ANKRD62: variants seen among roughly 807,000 people sequenced by gnomAD.
ANKRD62 encodes ankyrin repeat domain-containing protein 62.
In ANKRD62, 61 loss-of-function variants were observed where a neutral mutation model predicts 98.8. The observed-to-expected ratio is 0.62, with a 90% CI of 0.50 to 0.76. The LOEUF (loss-of-function observed/expected upper bound fraction) is 0.76, where lower values mean the gene tolerates loss of function less well. Ranked by LOEUF, ANKRD62 falls within the 30% of genes least tolerant of loss-of-function variation. The pLI, the probability that ANKRD62 is intolerant of heterozygous loss-of-function variation, is 0.00. For synonymous variants in ANKRD62, 341 were observed against 367.9 expected (o/e 0.93, Z 0.84); for missense variants, 933 against 1,082.9 (o/e 0.86, Z 1.94).
chr18:12,122,391 A>T lies in ANKRD62; in HGVS notation c.1329A>T (p.Lys443Asn), dbSNP rs1446071772. The T allele has an allele frequency of 9.8e-6, 15 of 1,535,602 alleles. No individual in the cohort carries two copies. The highest frequency in any genetic ancestry group is 2.6e-6 in the Non-Finnish European group (3 of 1,146,698). The change falls in exon 11 of 14, where the codon AAA (lysine) becomes AAT (asparagine). Residue 443 changes from lysine (K) to asparagine (N), a missense_variant. Physicochemically the swap from Lys to Asn is moderately conservative, Grantham distance 94. Transcript: ENST00000587848. ...AAAAATGTTACTGTGAACGACTTAA[A>T]GTAAAATTTCAAAAAATGAAAAATA... is the stretch of plus-strand genomic sequence containing the variant. ...EDQKCYCERL[K>N]VKFQKMKNNI...
At chr18:12,151,998 C>T in the ANKRD62 span, among the ~76,000 whole-genome samples, 1 of 151,512 alleles carries the variant, frequency 6.6e-6, no homozygotes, top group African/African-American at 2.4e-5. Flanking sequence ...CACATACACC[C>T]TCCCAAGACT....
chr18:12,124,610 T>C (rs1448854807), intron 12 of ANKRD62, among the ~76,000 whole-genome samples: 1 of 152,066 alleles, frequency 6.6e-6, no homozygotes, highest in African/African-American at 2.4e-5. Context: ...TTTTCCCTAT[T>C]TTGCATTAAT....
chr18:12,140,383 C>T, the ANKRD62 span, among the ~76,000 whole-genome samples: 5 of 152,178 alleles, frequency 3.3e-5, no homozygotes, highest in Non-Finnish European at 7.3e-5. Context: ...TGTTCCATTG[C>T]TGGTGAGGAG....
the ANKRD62 span, among the ~76,000 whole-genome samples, chr18:12,141,544 G>T: frequency 2.2e-4 from 33 of 149,150 alleles, no homozygotes; most frequent in East Asian, 6.5e-3. Context: ...TCATCCTTCA[G>T]CTCCTGTATT....
chr18:12,119,076 C>A (rs1422863884), intron 10 of ANKRD62, among the ~76,000 whole-genome samples: 1 of 152,048 alleles, frequency 6.6e-6, no homozygotes, highest in Admixed American at 6.6e-5. Flanking sequence ...ATATTTAGGG[C>A]AATTCAGGTT....
the ANKRD62 span, among the ~76,000 whole-genome samples, chr18:12,177,227 C>A: frequency 6.6e-6 from 1 of 152,070 alleles, no homozygotes; most frequent in African/African-American, 2.4e-5. Context: ...TGGAAAAGAA[C>A]CTTCTGTGGG....
chr18:12,138,798 T>C, the ANKRD62 span, among the ~76,000 whole-genome samples: 2 of 152,228 alleles, frequency 1.3e-5, no homozygotes, highest in Non-Finnish European at 2.9e-5. Flanking sequence ...CATTATGTAA[T>C]GGCCATCTTT....
At chr18:12,113,188 C>G (rs962904273) in intron 8 of ANKRD62, among the ~76,000 whole-genome samples, 2 of 152,110 alleles carry the variant, frequency 1.3e-5, no homozygotes, top group South Asian at 2.1e-4. Flanking sequence ...AGCCGCTGCT[C>G]CAGGCCAAGA....
At chr18:12,097,804 C>T in intron 5 of ANKRD62, 27 bp downstream of exon 5, 1 of 1,532,588 alleles carries the variant, frequency 6.5e-7, no homozygotes, top group Non-Finnish European at 8.8e-7. Context: ...CTAGTGAACA[C>T]TAAATTGAGG....
At chr18:12,115,196 T>C in intron 9 of ANKRD62, 75 bp downstream of exon 9, 1 of 1,326,464 alleles carries the variant, frequency 7.5e-7, no homozygotes, top group Admixed American at 3.2e-5. Flanking sequence ...ACAGAAAATC[T>C]TTTGCTGTAA....
chr18:12,102,400 TG>T (rs1283232778), intron 6 of ANKRD62: 1 of 559,410 alleles, frequency 1.8e-6, no homozygotes, highest in Non-Finnish European at 3.4e-6. Context: ...GTGTGACCAC[TG>T]GGGTTCGCAG....
chr18:12,119,494 C>T (rs544928768), intron 10 of ANKRD62, among the ~76,000 whole-genome samples: 3 of 152,110 alleles, frequency 2.0e-5, no homozygotes, highest in African/African-American at 7.2e-5. Context: ...TGGTAAGGAA[C>T]CTTCCTGGAT....
chr18:12,136,966 TC>T, the ANKRD62 span, among the ~76,000 whole-genome samples: 1 of 152,184 alleles, frequency 6.6e-6, no homozygotes, highest in Non-Finnish European at 1.5e-5. Context: ...GATGGGGTTT[TC>T]TAGATATACA....
At chr18:12,136,610 A>G in the ANKRD62 span, among the ~76,000 whole-genome samples, 1 of 152,178 alleles carries the variant, frequency 6.6e-6, no homozygotes, top group East Asian at 1.9e-4. Flanking sequence ...TGGGGATGGC[A>G]TTGAATCTAT....
rs1909210052 is a variant in ANKRD62, at chr18:12,097,664, TA to T, written c.641del (p.Asn214MetfsTer6). ...GRTALILAAR[N>X]GSTSVVYQLL... Reference sequence around the variant, plus strand: ...GAACAGCCCTGATACTTGCTGCTCGTAATGGATCAACAAGTGTAGTCTACCA... The same window carrying T: ...GAACAGCCCTGATACTTGCTGCTCGTATGGATCAACAAGTGTAGTCTACCA... On this transcript the variant is annotated frameshift_variant, in exon 5 of 14. Transcript: ENST00000587848. LOFTEE classifies it high-confidence loss of function. The T allele has an allele frequency of 5.2e-6, 8 of 1,535,706 alleles. No individual in the cohort carries two copies. Among genetic ancestry groups the T allele is most frequent in the Non-Finnish European group, 7.0e-6 (8 of 1,146,658 alleles).
chr18:12,139,885 T>C, the ANKRD62 span, among the ~76,000 whole-genome samples: 5 of 152,308 alleles, frequency 3.3e-5, no homozygotes, highest in East Asian at 1.9e-4. Context: ...TGAATTTTAA[T>C]GTTGGCCTGC....
chr18:12,112,014 GC>G (rs1391402769), intron 8 of ANKRD62, among the ~76,000 whole-genome samples: 1 of 150,920 alleles, frequency 6.6e-6, no homozygotes, highest in Non-Finnish European at 1.5e-5. Context: ...GGAGGCTGAG[GC>G]AAGAGAGTTG....
At chr18:12,175,995 T>C in the ANKRD62 span, among the ~76,000 whole-genome samples, 10 of 151,612 alleles carry the variant, frequency 6.6e-5, no homozygotes, top group South Asian at 2.1e-4. Flanking sequence ...AGTTCAAGAC[T>C]AGCCAGGCCA....
chr18:12,099,196 G>A (rs1909246866), intron 5 of ANKRD62, among the ~76,000 whole-genome samples: 1 of 152,102 alleles, frequency 6.6e-6, no homozygotes, highest in African/African-American at 2.4e-5. Flanking sequence ...AAAAGTTCAA[G>A]AACAAATTAT....
Sources: allele counts gnomAD v4.1 joint callset (sites outside exome capture counted in the v4.1 genomes callset), GRCh38; gene constraint gnomAD v4.1.1; transcripts MANE v1.5; gene names NCBI Gene and HGNC (gene_info 2026-07-23, HGNC 2026-07-21).